RYR2: variants seen among roughly 807,000 people sequenced by gnomAD.
RYR2 encodes the protein ryanodine receptor 2.
A neutral mutation model predicts 601.1 loss-of-function variants in RYR2; 227 were observed. The ratio of observed to expected loss-of-function variants is 0.38; its 90% CI spans 0.34 to 0.42. The LOEUF (loss-of-function observed/expected upper bound fraction) is 0.42, where lower values mean the gene tolerates loss of function less well. Ranked by LOEUF, RYR2 falls within the 10% of genes least tolerant of loss-of-function variation. RYR2 has a pLI of 1.00. For missense variants in RYR2, 4,646 were observed against 6,156.5 expected (o/e 0.75, Z 8.21); for synonymous variants, 2,223 against 2,175.1 (o/e 1.02, Z -0.61).
chr1:237,304,166 T>TA (rs1693647918), intron 2 of RYR2, among the ~76,000 whole-genome samples: 2 of 152,116 alleles, frequency 1.3e-5, no homozygotes, highest in Non-Finnish European at 2.9e-5. Flanking sequence ...AGTCAGACTT[T>TA]AAAAAAATGT....
intron 39 of RYR2, among the ~76,000 whole-genome samples, chr1:237,624,151 A>G (rs1171193958): frequency 6.6e-6 from 1 of 152,108 alleles, no homozygotes; most frequent in Admixed American, 6.5e-5. Flanking sequence ...GGAAATGGGA[A>G]GGGGGACATG....
intron 4 of RYR2, among the ~76,000 whole-genome samples, chr1:237,361,256 T>C (rs972064750): frequency 6.6e-6 from 1 of 152,194 alleles, no homozygotes; most frequent in African/African-American, 2.4e-5. Flanking sequence ...TTCTAAAAAT[T>C]ATTGGGACTA....
chr1:237,069,248 A>G (rs1664016637), intron 1 of RYR2, among the ~76,000 whole-genome samples: 1 of 152,184 alleles, frequency 6.6e-6, no homozygotes, highest in Non-Finnish European at 1.5e-5. Flanking sequence ...AAAGTGGGAA[A>G]GATTAATGGG....
At chr1:237,827,627 CAAAAAA>C (rs55896893) in intron 101 of RYR2, among the ~76,000 whole-genome samples, 115 of 79,432 alleles carry the variant, frequency 1.4e-3, no homozygotes, top group East Asian at 4.4e-3. Context: ...AAGACTGTCT[CAAAAAA>C]AAAAAAAAAA....
chr1:237,610,955 A>G lies in RYR2; in HGVS notation c.4877A>G (p.Gln1626Arg). Residue 1626 changes from glutamine to arginine, a missense_variant, in exon 36 of 105, where the codon CAG becomes CGG. Coordinates refer to ENST00000366574, the MANE Select transcript of RYR2 (RefSeq NM_001035.3). This position sits in a 1 kb window ranked among gnomAD's most constrained non-coding sequence, Gnocchi z 4.9. ...TTGGTGCAGTGTTTGGATCCTCTGC[A>G]GTTCATGTCTCTTCATATCCCTGAG... is the stretch of plus-strand genomic sequence containing the variant. ...GWLVQCLDPL[Q>R]FMSLHIPEEN... is the part of the protein sequence containing the mutation. The G allele has an allele frequency of 6.2e-7, 1 of 1,613,384 alleles. No homozygotes were observed. Among genetic ancestry groups the G allele is most frequent in the South Asian group, 1.1e-5 (1 of 90,892 alleles).
At chr1:237,690,249 G>T (rs943340074) in intron 63 of RYR2, among the ~76,000 whole-genome samples, 5 of 152,190 alleles carry the variant, frequency 3.3e-5, no homozygotes, top group African/African-American at 1.2e-4. Context: ...AGAGAGAATA[G>T]TGGGTTTGGA....
chr1:237,216,841 T>C (rs1683233570), intron 1 of RYR2, among the ~76,000 whole-genome samples: 1 of 151,754 alleles, frequency 6.6e-6, no homozygotes, highest in Non-Finnish European at 1.5e-5. Flanking sequence ...GGTATTGCAA[T>C]TTGAAGCATT....
At chr1:237,229,144 A>T (rs1684709804) in intron 1 of RYR2, among the ~76,000 whole-genome samples, 2 of 152,190 alleles carry the variant, frequency 1.3e-5, no homozygotes, top group Non-Finnish European at 2.9e-5. Flanking sequence ...TCTCCAGGAA[A>T]GGAGAGAGGG....
In RYR2 at chr1:237,463,965, TAAG is replaced by T. The variant is rs1181669651; in HGVS notation, c.1613-5123_1613-5121del. ...AGATAAGGAAAGAAATAAGAAAAAT[TAAG>T]AAGGCAGAAACTACTCTTAAACTTA... is the stretch of plus-strand genomic sequence containing the variant. On this transcript the variant is annotated intron_variant, in intron 16 of 104. Coordinates refer to ENST00000366574, the MANE Select transcript of RYR2 (RefSeq NM_001035.3). Among the ~76,000 whole-genome samples the T allele has an allele frequency of 1.1e-4, 17 of 152,332 alleles. No homozygotes were observed. In the East Asian group the frequency reaches 2.5e-3, roughly 22 times the overall value.
chr1:237,445,939 C>T (rs1389358690), intron 14 of RYR2, among the ~76,000 whole-genome samples: 2 of 152,104 alleles, frequency 1.3e-5, no homozygotes, highest in East Asian at 3.9e-4. Context: ...CCCTCAGCCT[C>T]CCGAGTAGCT....
chr1:237,054,696 A>C (rs1484331559), intron 1 of RYR2, among the ~76,000 whole-genome samples: 1 of 152,178 alleles, frequency 6.6e-6, no homozygotes, highest in East Asian at 1.9e-4. Context: ...GAAGAAATTA[A>C]ATAAAATCTT....
chr1:237,680,049 C>T lies in RYR2; in HGVS notation c.8896-407C>T, dbSNP rs113516765. On this transcript the variant is annotated intron_variant, in intron 61 of 104. Transcript: ENST00000366574. The stretch of plus-strand genomic sequence containing the variant: ...CACATTTCTATGTCTCCATTTAATA[C>T]CCATAATGCAGGGATGATGGCATCT... 4.8e-3 allele frequency among the ~76,000 whole-genome samples: 738 copies of T among 152,246 alleles called. 7 individuals are homozygous for T. Among genetic ancestry groups the T allele is most frequent in the African/African-American group, 0.017 (710 of 41,550 alleles).
intron 1 of RYR2, among the ~76,000 whole-genome samples, chr1:237,220,147 T>C (rs1291529242): frequency 6.6e-6 from 1 of 152,188 alleles, no homozygotes; most frequent in South Asian, 2.1e-4. Context: ...TGAGGGTGTT[T>C]CCAGAAGAGA....
At chr1:237,558,226 C>T (rs567488321) in intron 27 of RYR2, among the ~76,000 whole-genome samples, 32 of 152,190 alleles carry the variant, frequency 2.1e-4, no homozygotes, top group African/African-American at 7.7e-4. Flanking sequence ...AACCTGTGTA[C>T]AGGGAAAATC....
intron 44 of RYR2, among the ~76,000 whole-genome samples, chr1:237,635,212 T>C (rs1680753299): frequency 6.6e-6 from 1 of 152,202 alleles, no homozygotes; most frequent in Non-Finnish European, 1.5e-5. Flanking sequence ...TAATGTTATA[T>C]ATTACATTGT....
chr1:237,334,008 C>G (rs774418251), intron 3 of RYR2, among the ~76,000 whole-genome samples: 2 of 152,080 alleles, frequency 1.3e-5, no homozygotes, highest in African/African-American at 4.8e-5. Context: ...TAATTTCTTA[C>G]GTAATTCAGT....
chr1:237,306,341 C>A (rs1348067829), intron 2 of RYR2, among the ~76,000 whole-genome samples: 1 of 152,074 alleles, frequency 6.6e-6, no homozygotes, highest in Admixed American at 6.5e-5. Context: ...TATTTTTATC[C>A]TTGGATTGGT....
At position 237,635,197 on chromosome 1, in the gene RYR2, C is replaced by T. The variant is rs41311589; in HGVS notation, c.6792+205C>T. 6.2e-4 allele frequency among the ~76,000 whole-genome samples: 95 copies of T among 152,194 alleles called. 1 individual carries two copies. The highest frequency in any genetic ancestry group is 1.1e-3 in the Non-Finnish European group (77 of 68,008). ...AGTACATTATAATTTACATTGCACA[C>T]TATATAATGTTATATATTACATTGT... On this transcript the variant is annotated intron_variant, in intron 44 of 104. Transcript: ENST00000366574.
At chr1:237,448,108 G>T (rs944222816) in intron 14 of RYR2, among the ~76,000 whole-genome samples, 3 of 151,844 alleles carry the variant, frequency 2.0e-5, no homozygotes, top group South Asian at 4.2e-4. Flanking sequence ...TTTATTTTTA[G>T]TAGAGACGTG....
Sources: allele counts gnomAD v4.1 joint callset (sites outside exome capture counted in the v4.1 genomes callset), GRCh38; gene constraint gnomAD v4.1.1; non-coding constraint Gnocchi (gnomAD v3.1); transcripts MANE v1.5; gene names NCBI Gene and HGNC (gene_info 2026-07-23, HGNC 2026-07-21).